The following EDEM3 variants were observed in gnomAD, a reference collection of about 807,000 sequenced individuals.
EDEM3 encodes the protein ER degradation-enhancing alpha-mannosidase-like protein 3.
In EDEM3, 60 loss-of-function variants were observed where a neutral mutation model predicts 110.2. The ratio of observed to expected loss-of-function variants is 0.54; its 90% CI spans 0.44 to 0.67. The LOEUF is 0.67. Among genes scored for constraint, EDEM3 ranks in the 30% least tolerant of loss-of-function variants. The pLI is 0.00. For missense variants in EDEM3, 996 were observed against 1,121.0 expected (o/e 0.89, Z 1.59); for synonymous variants, 352 against 382.9 (o/e 0.92, Z 0.94).
rs760197678 is a variant in EDEM3 at position 184,732,897 on chromosome 1, C to G, written c.552G>C (p.Lys184Asn). 2 of 1,613,932 alleles carry G rather than the reference C, an allele frequency of 1.2e-6. No homozygotes were observed. The highest frequency in any genetic ancestry group is 2.7e-5 in the African/African-American group (2 of 74,916). Reference protein sequence around the residue: ...WYNDELLQMAKQLGYKLLPAF... With the variant: ...WYNDELLQMANQLGYKLLPAF... ...CCGGTAAAAGTTTGTAACCTAACTG[C>G]TTTGCCATTTGGAGAAGTTCATCAT... Residue 184 changes from lysine (K) to asparagine (N), a missense_variant, in exon 6 of 20, where the codon AAG (lysine) becomes AAC (asparagine). Lys to Asn is a moderately conservative substitution (Grantham distance 94). This residue lies in a region of EDEM3 where 310 missense variants were observed against 394.6 expected (regional missense o/e 0.79). Transcript: ENST00000318130.
chr1:184,691,747 A>C lies in EDEM3; in HGVS notation c.*2316T>G, dbSNP rs1649074661. Reference sequence around the variant, plus strand: ...TACAACGTTGGAGTTTTTTAGACGAACATTATCTCCTCTTTTCTTAACTAG... The same window carrying C: ...TACAACGTTGGAGTTTTTTAGACGACCATTATCTCCTCTTTTCTTAACTAG... On this transcript the variant is annotated 3_prime_UTR_variant, in exon 20 of 20. Coordinates refer to ENST00000318130, the MANE Select transcript of EDEM3 (RefSeq NM_025191.4). 1 of 152,148 alleles carries C rather than the reference A, an allele frequency of 6.6e-6. No individual in the cohort carries two copies. The allele number at this position is 152,148 out of a possible 1,614,324, so 9.4% of individuals were successfully genotyped here. A position where few individuals can be genotyped will look rare whatever the true frequency, so the allele number is the denominator to read the frequency against.
chr1:184,692,338 G>T lies in EDEM3; in HGVS notation c.*1725C>A, dbSNP rs1238544325. 1.3e-5 allele frequency: 2 copies of T among 151,840 alleles called. No individual in the cohort carries two copies. Among genetic ancestry groups the T allele is most frequent in the Admixed American group, 1.3e-4 (2 of 15,244 alleles). 9.4% of individuals were successfully genotyped at this position (151,840 alleles called of 1,614,324 possible). On this transcript the variant is annotated 3_prime_UTR_variant, in exon 20 of 20. Transcript: ENST00000318130. ...TCAGGTATAATTAAAAGCCAATAAG[G>T]GTCTTGCATACTATTCTTTTTCCCC...
At chr1:184,706,061 A>T (rs372468031) in intron 18 of EDEM3, among the ~76,000 whole-genome samples, 1 of 152,164 alleles carries the variant, frequency 6.6e-6, no homozygotes, top group Non-Finnish European at 1.5e-5. Flanking sequence ...GAAATTTTAT[A>T]TATCTTTAAA....
intron 2 of EDEM3, among the ~76,000 whole-genome samples, chr1:184,743,632 C>A (rs1169862453): frequency 6.6e-6 from 1 of 151,996 alleles, no homozygotes; most frequent in Non-Finnish European, 1.5e-5. Context: ...GTAACTTCAG[C>A]AATTTTAAAA....
intron 13 of EDEM3, 66 bp downstream of exon 13, chr1:184,716,822 T>C: frequency 1.9e-6 from 3 of 1,578,966 alleles, no homozygotes; most frequent in Non-Finnish European, 2.6e-6. Context: ...GAATCCTAAA[T>C]GGTAGCTGCA....
intron 9 of EDEM3, 43 bp downstream of exon 9, chr1:184,721,246 T>A (rs1251457776): frequency 1.4e-6 from 2 of 1,459,268 alleles, no homozygotes; most frequent in South Asian, 1.2e-5. Flanking sequence ...AAATCTGGAC[T>A]CAAATGAAGT....
intron 13 of EDEM3, among the ~76,000 whole-genome samples, chr1:184,713,843 T>C (rs190550251): frequency 1.2e-4 from 18 of 152,332 alleles, no homozygotes; most frequent in Admixed American, 3.9e-4. Flanking sequence ...ACTCATGACA[T>C]TGGTGTGAAG....
intron 6 of EDEM3, among the ~76,000 whole-genome samples, chr1:184,730,292 T>G (rs1651434399): frequency 6.6e-6 from 1 of 152,348 alleles, no homozygotes; most frequent in Non-Finnish European, 1.5e-5. Flanking sequence ...TATCAGAATG[T>G]CCACAGAGGC....
At chr1:184,741,852 G>GC (rs1652160056) in intron 2 of EDEM3, among the ~76,000 whole-genome samples, 2 of 151,984 alleles carry the variant, frequency 1.3e-5, no homozygotes, top group African/African-American at 4.8e-5. Flanking sequence ...GGCTGGAACA[G>GC]TTTTTTTTCC....
intron 13 of EDEM3, among the ~76,000 whole-genome samples, chr1:184,715,476 C>T (rs900544375): frequency 2.0e-5 from 3 of 152,154 alleles, no homozygotes; most frequent in Non-Finnish European, 1.5e-5. Context: ...TTTTATCTTT[C>T]TACCCCACAC....
At chr1:184,721,185 C>T (rs1650881162) in intron 9 of EDEM3, 104 bp downstream of exon 9, 5 of 902,646 alleles carry the variant, frequency 5.5e-6, no homozygotes, top group Admixed American at 5.9e-5. Flanking sequence ...AACCACTACA[C>T]ATTTTAAAAA....
chr1:184,702,075 G>A (rs935243868), intron 19 of EDEM3, among the ~76,000 whole-genome samples: 15 of 152,066 alleles, frequency 9.9e-5, no homozygotes, highest in African/African-American at 3.6e-4. Flanking sequence ...AGGAAAGACT[G>A]CTACCACAAG....
intron 2 of EDEM3, among the ~76,000 whole-genome samples, chr1:184,748,262 C>T (rs992588274): frequency 4.6e-5 from 7 of 152,174 alleles, no homozygotes; most frequent in African/African-American, 1.7e-4. Context: ...GCCTGGCCAA[C>T]ATGGTGAAAC....
At position 184,754,420 on chromosome 1, in the gene EDEM3, G is replaced by T. The variant is rs376275495; in HGVS notation, c.158+69C>A. ...GGAGAGGCCACTACGCGACCGGGTC[G>T]CAATGACAGGCACCCCTCCTGTTGT... On this transcript the variant is annotated intron_variant, in intron 1 of 19. Transcript: ENST00000318130. The T allele has an allele frequency of 1.2e-3, 1,920 of 1,596,408 alleles. 3 individuals carry two copies. Among genetic ancestry groups the T allele is most frequent in the Non-Finnish European group, 1.6e-3 (1,836 of 1,172,768 alleles).
intron 2 of EDEM3, among the ~76,000 whole-genome samples, chr1:184,748,518 T>C (rs1003575030): frequency 6.6e-6 from 1 of 151,854 alleles, no homozygotes; most frequent in African/African-American, 2.4e-5. Context: ...AGAAATAAAT[T>C]TGAAACTGTG....
Position 184,702,896 on chromosome 1 carries a change from G to T in EDEM3, c.2304C>A (p.Phe768Leu). ...CCAGTATGATACTTCCTTCTTTGCT[G>T]AATAAGAACAGCATGGGGATCTTGA... is the stretch of plus-strand genomic sequence containing the variant. ...DDIKIPMLFL[F>L]SKEGSIILDA... The change falls in exon 19 of 20, where the codon TTC becomes TTA. Residue 768 changes from phenylalanine (F) to leucine (L), a missense_variant. Phe to Leu is a conservative substitution (Grantham distance 22). Transcript: ENST00000318130. 5 of 1,613,532 alleles carry T rather than the reference G, an allele frequency of 3.1e-6. No homozygotes were observed. The highest frequency in any genetic ancestry group is 4.2e-6 in the Non-Finnish European group (5 of 1,179,732).
At chr1:184,737,820 T>A in intron 2 of EDEM3, 109 bp from the exon 3 acceptor site, 1 of 878,110 alleles carries the variant, frequency 1.1e-6, no homozygotes, top group East Asian at 2.8e-5. Flanking sequence ...TCAAAAGTTG[T>A]ACTAAATTTA....
At chr1:184,716,828 C>T in intron 13 of EDEM3, 60 bp downstream of exon 13, 4 of 1,581,872 alleles carry the variant, frequency 2.5e-6, no homozygotes, top group Non-Finnish European at 3.4e-6. Context: ...TAAATGGTAG[C>T]TGCATTTTGT....
rs199936574 is a variant in EDEM3 at position 184,711,744 on chromosome 1, C to T, written c.1670G>A (p.Cys557Tyr). The change falls in exon 15 of 20, where the codon TGT becomes TAT. Residue 557 changes from cysteine to tyrosine, a missense_variant. Coordinates refer to ENST00000318130, the MANE Select transcript of EDEM3 (RefSeq NM_025191.4). ...TTACACTCTGATGATGCCTCTAGGA[C>T]AGCTCTTATCCACCACATTTTTCAA... ...EPLKNVVDKS[C>Y]PRGIIRVEES... 62 of 1,611,658 alleles carry T rather than the reference C, an allele frequency of 3.8e-5. No individual in the cohort carries two copies. The highest frequency in any genetic ancestry group is 2.2e-5 in the East Asian group (1 of 44,802).
Sources: gnomAD v4.1 joint callset for allele counts (sites outside exome capture counted in the v4.1 genomes callset) on GRCh38, gnomAD v4.1.1 for gene constraint, gnomAD v4.1.1 regional missense constraint, MANE v1.5 for transcripts, NCBI Gene and HGNC (gene_info 2026-07-23, HGNC 2026-07-21) for gene names.